FADS6: variants seen among roughly 807,000 people sequenced by gnomAD.
FADS6 encodes the protein fatty acid desaturase 6, also known as fatty acid desaturase domain family, member 6.
A neutral mutation model predicts 31.7 loss-of-function variants in FADS6; 28 were observed. That is an observed-to-expected ratio of 0.88 (90% CI 0.66 to 1.21). The LOEUF (loss-of-function observed/expected upper bound fraction) is 1.21. Ranked by LOEUF, FADS6 falls within the 50% of genes most tolerant of loss-of-function variation. FADS6 has a pLI of 0.00. For missense variants in FADS6, 494 were observed against 504.2 expected, an observed-to-expected ratio of 0.98 and a Z score of 0.19; for synonymous variants, 191 against 213.1, an observed-to-expected ratio of 0.90 and a Z score of 0.90.
At chr17:74,884,115 T>C (rs572645109) in intron 2 of FADS6, among the ~76,000 whole-genome samples, 15 of 152,316 alleles carry the variant, frequency 9.8e-5, no homozygotes, top group Non-Finnish European at 1.8e-4. Flanking sequence ...GATGGGCTCA[T>C]TGCCGACTGT....
downstream of FADS6, among the ~76,000 whole-genome samples, chr17:74,876,869 G>A (rs552704935): frequency 6.6e-6 from 1 of 151,952 alleles, no homozygotes; most frequent in Non-Finnish European, 1.5e-5. Flanking sequence ...CTCCTTCTCT[G>A]TCTCTCCCTC....
rs188234718 is a variant in FADS6, at chr17:74,878,539, G to A, written c.961-62C>T. On this transcript the variant is annotated intron_variant, in intron 5 of 5. Transcript: ENST00000612771. ...GGGCTGTGGGCAGGCCCATCATCCC[G>A]TCAGGGGAGGGAGGGACATCATCTT... 65 of 1,578,264 alleles carry A rather than the reference G, an allele frequency of 4.1e-5. 2 individuals are homozygous for A. Among genetic ancestry groups the A allele is most frequent in the East Asian group, 4.0e-4 (18 of 44,504 alleles).
intron 2 of FADS6, among the ~76,000 whole-genome samples, chr17:74,886,458 T>TAA (rs60503024): frequency 4.6e-4 from 38 of 82,852 alleles, no homozygotes; most frequent in African/African-American, 1.0e-3. Context: ...AAATCCTGTC[T>TAA]AAAAAAAAAA....
In FADS6 at chr17:74,882,947, G is replaced by A. The variant is rs566431997; in HGVS notation, c.412-237C>T. 3.4e-5 allele frequency: 39 copies of A among 1,138,072 alleles called. No homozygotes were observed. In the African/African-American group the frequency reaches 5.6e-4, roughly 16 times the overall value. The allele number at this position is 1,138,072 out of a possible 1,614,324, so 70.5% of individuals were successfully genotyped here. ...TTTGACGAGGCTCTGCAAAGCATTTGGGGGTGGGAGGCTGGACCCCTGGAG... is the reference window on the plus strand; with the variant it reads ...TTTGACGAGGCTCTGCAAAGCATTTAGGGGTGGGAGGCTGGACCCCTGGAG... On this transcript the variant is annotated intron_variant, in intron 2 of 5. Transcript: ENST00000612771.
intron 2 of FADS6, among the ~76,000 whole-genome samples, chr17:74,885,200 A>G (rs1031364399): frequency 7.2e-5 from 11 of 152,166 alleles, no homozygotes; most frequent in Middle Eastern, 3.4e-3. Flanking sequence ...ACTTGGGTTT[A>G]TCTGCCTGTA....
At chr17:74,891,320 G>C (rs1169964676) in intron 2 of FADS6, among the ~76,000 whole-genome samples, 2 of 151,914 alleles carry the variant, frequency 1.3e-5, no homozygotes, top group African/African-American at 2.4e-5. Context: ...TTACAGGTGT[G>C]AGCCACCGCG....
chr17:74,890,869 G>T (rs375666148), intron 2 of FADS6, among the ~76,000 whole-genome samples: 2 of 152,196 alleles, frequency 1.3e-5, no homozygotes, highest in Non-Finnish European at 2.9e-5. Flanking sequence ...TGGTGTGGGT[G>T]TAACACTTTG....
chr17:74,879,713 G>A lies in FADS6; in HGVS notation c.781-130C>T, dbSNP rs1019389444. The A allele has an allele frequency of 1.6e-5, 15 of 944,220 alleles. No homozygotes were observed. The South Asian group carries it at 2.5e-4, about 15-fold the overall frequency. 58.5% of individuals were successfully genotyped at this position (944,220 alleles called of 1,614,324 possible). A position where few individuals can be genotyped will look rare whatever the true frequency, so the allele number is the denominator to read the frequency against. On this transcript the variant is annotated intron_variant, in intron 4 of 5. Coordinates refer to ENST00000612771, the MANE Select transcript of FADS6 (RefSeq NM_178128.6). ...CCCATGTGGGGGGACCTGGTAGAGG[G>A]GCTCCTGGCCCAGCTCCGATGATGA...
At chr17:74,882,136 A>G (rs1002217693) in intron 3 of FADS6, among the ~76,000 whole-genome samples, 1 of 152,072 alleles carries the variant, frequency 6.6e-6, no homozygotes, top group Non-Finnish European at 1.5e-5. Context: ...GGGTTTCACC[A>G]TGTTGCCCAG....
chr17:74,890,474 T>C (rs777557656), intron 2 of FADS6, among the ~76,000 whole-genome samples: 8 of 152,114 alleles, frequency 5.3e-5, no homozygotes, highest in Non-Finnish European at 1.0e-4. Flanking sequence ...ACTCGGGCCC[T>C]GTTCCTCAGC....
chr17:74,879,501 C>T lies in FADS6; in HGVS notation c.863G>A (p.Arg288Gln), dbSNP rs746075421. The T allele has an allele frequency of 1.1e-5, 18 of 1,613,886 alleles. No homozygotes were observed. The East Asian group carries it at 2.0e-4, about 18-fold the overall frequency. Reference protein sequence around the residue: ...MMSLGVLNLARLPVLDWAFGH... With the variant: ...MMSLGVLNLAQLPVLDWAFGH... The stretch of plus-strand genomic sequence containing the variant: ...GAACGCCCAGTCCAGCACGGGCAGC[C>T]GGGCCAGGTTAAGCACCCCCAGGCT... Residue 288 changes from arginine (R) to glutamine (Q), a missense_variant, in exon 5 of 6, where the codon CGG becomes CAG. Around this residue, in one of 2 missense-constraint regions of FADS6, gnomAD observed 454 missense variants for 438.5 expected, o/e 1.04. Transcript: ENST00000612771.
At chr17:74,889,500 A>C (rs9905663) in intron 2 of FADS6, among the ~76,000 whole-genome samples, 57,056 of 151,118 alleles carry the variant, frequency 0.38, 12,936 homozygotes, top group Non-Finnish European at 0.5. Context: ...GCCCCAACAT[A>C]TACACAGCCC....
In FADS6 at chr17:74,882,542, G is replaced by C. The variant is rs765509140; in HGVS notation, c.580C>G (p.Leu194Val). 1 of 1,610,418 alleles carries C rather than the reference G, an allele frequency of 6.2e-7. No individual in the cohort carries two copies. Among genetic ancestry groups the C allele is most frequent in the African/African-American group, 1.3e-5 (1 of 74,906 alleles). ...APFLLPIATP[L>V]VAVERLRKVE... is the part of the protein sequence containing the mutation. ...TCATGGCACTCACCGACAGCCACCA[G>C]TGGAGTGGCGATGGGGAGGAGGAAA... Residue 194 changes from leucine (L) to valine (V), a missense_variant, in exon 3 of 6, where the codon CTG becomes GTG. By Grantham distance (32) the Leu-to-Val change is conservative. Around this residue, in one of 2 missense-constraint regions of FADS6, gnomAD observed 454 missense variants for 438.5 expected, o/e 1.04. Coordinates refer to ENST00000612771, the MANE Select transcript of FADS6 (RefSeq NM_178128.6).
rs1239161044 is a variant in FADS6, at chr17:74,877,758, G to A, written c.*573C>T. The A allele has an allele frequency of 1.0e-6, 1 of 985,520 alleles. No homozygotes were observed. Among genetic ancestry groups the A allele is most frequent in the African/African-American group, 1.7e-5 (1 of 57,250 alleles). The allele number at this position is 985,520 out of a possible 1,614,324, so 61.0% of individuals were successfully genotyped here. A position where few individuals can be genotyped will look rare whatever the true frequency, so the allele number is the denominator to read the frequency against. ...TGATACTGTGGCCTGGGGAACTGCT[G>A]AGCCAGTGTCTTGCACAGGTTCCTT... On this transcript the variant is annotated 3_prime_UTR_variant, in exon 6 of 6. Transcript: ENST00000612771.
chr17:74,877,656 C>A lies in FADS6; in HGVS notation c.*675G>T. The A allele has an allele frequency of 1.0e-6, 1 of 981,398 alleles. No individual in the cohort carries two copies. Among genetic ancestry groups the A allele is most frequent in the Non-Finnish European group, 1.2e-6 (1 of 826,276 alleles). 60.8% of individuals were successfully genotyped at this position (981,398 alleles called of 1,614,324 possible). A position where few individuals can be genotyped will look rare whatever the true frequency, so the allele number is the denominator to read the frequency against. On this transcript the variant is annotated 3_prime_UTR_variant, in exon 6 of 6. Transcript: ENST00000612771. ...CTGGCTATTTATACTCTTTCCCTAA[C>A]TCTGTCCCTGGGGAACCTTCTCCCC...
At position 74,879,400 on chromosome 17, in the gene FADS6, C is replaced by G; in HGVS notation, c.960+4G>C. The G allele has an allele frequency of 6.2e-7, 1 of 1,613,138 alleles. No individual in the cohort carries two copies. Among genetic ancestry groups the G allele is most frequent in the Non-Finnish European group, 8.5e-7 (1 of 1,179,412 alleles). On this transcript the variant is annotated splice_donor_region_variant and intron_variant, in intron 5 of 5. Transcript: ENST00000612771. ...CCAGCGCCCCCAGCCCAGCCCTCGACTACCTTCAGGCACATGTTATCAGAG... is the reference window on the plus strand; with the variant it reads ...CCAGCGCCCCCAGCCCAGCCCTCGAGTACCTTCAGGCACATGTTATCAGAG...
intron 2 of FADS6, chr17:74,882,942 C>A: frequency 1.7e-6 from 2 of 1,200,672 alleles, no homozygotes; most frequent in Non-Finnish European, 2.3e-6. Context: ...CTCTGCAAAG[C>A]ATTTGGGGGT....
chr17:74,889,149 C>T (rs1210839328), intron 2 of FADS6, among the ~76,000 whole-genome samples: 1 of 152,204 alleles, frequency 6.6e-6, no homozygotes, highest in Non-Finnish European at 1.5e-5. Flanking sequence ...GATCCAATGG[C>T]CCAGCTTGGA....
intron 2 of FADS6, among the ~76,000 whole-genome samples, chr17:74,887,059 C>CTTT (rs11385853): frequency 8.8e-6 from 1 of 113,834 alleles, no homozygotes; most frequent in Non-Finnish European, 1.8e-5. Context: ...ACACTCCAGT[C>CTTT]TTTTTTTTTT....
Sources: gnomAD v4.1 joint callset for allele counts (sites outside exome capture counted in the v4.1 genomes callset) on GRCh38, gnomAD v4.1.1 for gene constraint, gnomAD v4.1.1 regional missense constraint, MANE v1.5 for transcripts, NCBI Gene and HGNC (gene_info 2026-07-23, HGNC 2026-07-21) for gene names.